AFAP1L2: variants seen among roughly 807,000 people sequenced by gnomAD.
AFAP1L2 encodes actin filament-associated protein 1-like 2.
In AFAP1L2, 46 loss-of-function variants were observed where a neutral mutation model predicts 99.3. The ratio of observed to expected loss-of-function variants is 0.46; its 90% CI spans 0.37 to 0.59. The LOEUF (loss-of-function observed/expected upper bound fraction) is 0.59, where lower values mean the gene tolerates loss of function less well. Among genes scored for constraint, AFAP1L2 ranks in the 20% least tolerant of loss-of-function variants. AFAP1L2 has a pLI of 0.00. For synonymous variants in AFAP1L2, 397 were observed against 419.1 expected (o/e 0.95, Z 0.64); for missense variants, 959 against 1,034.9 (o/e 0.93, Z 1.01).
chr10:114,354,027 G>A (rs1448798046), intron 1 of AFAP1L2, among the ~76,000 whole-genome samples: 1 of 152,210 alleles, frequency 6.6e-6, no homozygotes, highest in East Asian at 1.9e-4. Context: ...AAGAGTGGAA[G>A]CTGCAACTCT....
intron 1 of AFAP1L2, 135 bp from the exon 2 acceptor site, chr10:114,340,866 G>T: frequency 1.6e-6 from 2 of 1,253,392 alleles, no homozygotes; most frequent in Non-Finnish European, 2.3e-6. Context: ...GTGAGGTCTG[G>T]CAGCGTATGG....
intron 5 of AFAP1L2, among the ~76,000 whole-genome samples, chr10:114,316,114 C>T (rs915416285): frequency 6.6e-6 from 1 of 152,266 alleles, no homozygotes; most frequent in African/African-American, 2.4e-5. Context: ...AAGGCCAGTT[C>T]TCCTACTCGG....
intron 9 of AFAP1L2, 44 bp from the exon 10 acceptor site, chr10:114,307,953 AC>A: frequency 6.5e-7 from 1 of 1,545,346 alleles, no homozygotes; most frequent in Non-Finnish European, 8.9e-7. Flanking sequence ...CACGTGGTCC[AC>A]CCACGTGCCC....
At chr10:114,289,490 G>C in the AFAP1L2 span, 6 of 1,613,998 alleles carry the variant, frequency 3.7e-6, no homozygotes, top group African/African-American at 5.3e-5. Context: ...CTGTGTGGAG[G>C]TGAGTGGGGG....
At chr10:114,362,715 C>T (rs1057452772) in intron 1 of AFAP1L2, among the ~76,000 whole-genome samples, 7 of 152,114 alleles carry the variant, frequency 4.6e-5, no homozygotes, top group Admixed American at 3.9e-4. Context: ...CATCAACTCA[C>T]GGAGCTAGAG....
the AFAP1L2 span, chr10:114,284,875 C>T: frequency 1.2e-5 from 19 of 1,608,524 alleles, no homozygotes; most frequent in Middle Eastern, 1.8e-4. Flanking sequence ...CCCTGTGACT[C>T]GCAGCCCTGC....
intron 4 of AFAP1L2, among the ~76,000 whole-genome samples, chr10:114,329,523 T>G (rs1228036187): frequency 6.6e-6 from 1 of 152,152 alleles, no homozygotes; most frequent in African/African-American, 2.4e-5. Context: ...CCAAGATACC[T>G]TGGTCAGAAT....
intron 13 of AFAP1L2, 120 bp from the exon 14 acceptor site, chr10:114,300,810 C>A: frequency 7.2e-7 from 1 of 1,386,990 alleles, no homozygotes. Flanking sequence ...AGAGATCTCC[C>A]TCCCTGCTGG....
chr10:114,284,850 A>T, the AFAP1L2 span: 3 of 1,599,886 alleles, frequency 1.9e-6, no homozygotes, highest in East Asian at 6.8e-5. Context: ...GTTAATGGGC[A>T]TCTCTCTGAT....
At chr10:114,317,550 G>A (rs1021460893) in intron 5 of AFAP1L2, among the ~76,000 whole-genome samples, 3 of 152,092 alleles carry the variant, frequency 2.0e-5, no homozygotes, top group African/African-American at 7.2e-5. Context: ...TTTTATCCTA[G>A]GAAACTAGTT....
intron 1 of AFAP1L2, among the ~76,000 whole-genome samples, chr10:114,402,246 C>T (rs145277805): frequency 1.2e-3 from 177 of 152,308 alleles, no homozygotes; most frequent in African/African-American, 4.0e-3. Context: ...GTCAGTCACA[C>T]TGGTTAATCA....
chr10:114,398,814 G>C, intron 1 of AFAP1L2: 1 of 1,303,868 alleles, frequency 7.7e-7, no homozygotes, highest in South Asian at 1.2e-5. Context: ...GAGGCCAGGT[G>C]AGCTGCTGCA....
Position 114,331,889 on chromosome 10 carries a change from C to G in AFAP1L2, c.229G>C (p.Glu77Gln), listed in dbSNP as rs999261408. 6.8e-6 allele frequency: 9 copies of G among 1,315,914 alleles called. No homozygotes were observed. The African/African-American group carries it at 1.2e-4, about 18-fold the overall frequency. The allele number at this position is 1,315,914 out of a possible 1,614,324, so 81.5% of individuals were successfully genotyped here. A position where few individuals can be genotyped will look rare whatever the true frequency, so the allele number is the denominator to read the frequency against. ...NAESQGKAPEEQGLLPNGEPS... is the reference protein window; with the variant it reads ...NAESQGKAPEQQGLLPNGEPS... ...TCCCCATTGGGTAGCAGGCCCTGCT[C>G]CTCAGGCGCTGCGGGCAGCAAAAGG... The change falls in exon 4 of 19, where the codon GAG (glutamate) becomes CAG (glutamine). Residue 77 changes from glutamate to glutamine, a missense_variant. Transcript: ENST00000304129.
chr10:114,283,049 A>G, the AFAP1L2 span, among the ~76,000 whole-genome samples: 1 of 152,230 alleles, frequency 6.6e-6, no homozygotes, highest in Non-Finnish European at 1.5e-5. Flanking sequence ...ATCCCAAATT[A>G]ACGTGAGGAA....
chr10:114,362,617 C>G (rs191754187), intron 1 of AFAP1L2, among the ~76,000 whole-genome samples: 62 of 152,218 alleles, frequency 4.1e-4, no homozygotes, highest in South Asian at 2.9e-3. Context: ...CCCTCCGGAA[C>G]CATAAGAGAA....
At chr10:114,355,256 C>CTTTTTTTTTTTT (rs35562783) in intron 1 of AFAP1L2, among the ~76,000 whole-genome samples, 1 of 133,110 alleles carries the variant, frequency 7.5e-6, no homozygotes, top group African/African-American at 2.8e-5. Context: ...CTCGCTCTCT[C>CTTTTTTTTTTTT]TTTTTTTTTT....
intron 1 of AFAP1L2, among the ~76,000 whole-genome samples, chr10:114,378,742 A>G (rs1018689430): frequency 6.6e-6 from 1 of 152,222 alleles, no homozygotes; most frequent in South Asian, 2.1e-4. Context: ...CAGCTCCTCA[A>G]GACAGTCCAA....
At chr10:114,311,304 C>T (rs758213) in intron 7 of AFAP1L2, among the ~76,000 whole-genome samples, 107,727 of 152,082 alleles carry the variant, frequency 0.71, 41,300 homozygotes, top group Non-Finnish European at 0.85. Context: ...ACTCCCAGGG[C>T]GACCAGAAAC....
chr10:114,399,450 A>G (rs528493842), intron 1 of AFAP1L2, among the ~76,000 whole-genome samples: 1 of 152,254 alleles, frequency 6.6e-6, no homozygotes, highest in Middle Eastern at 3.4e-3. Context: ...ATGAATTTGA[A>G]ATTGCTTTGA....
Sources: gnomAD v4.1 joint callset for allele counts (sites outside exome capture counted in the v4.1 genomes callset) on GRCh38, gnomAD v4.1.1 for gene constraint, MANE v1.5 for transcripts, NCBI Gene and HGNC (gene_info 2026-07-23, HGNC 2026-07-21) for gene names.